Variants in PRKG1 observed in about 807,000 individuals in gnomAD.
PRKG1 encodes cGMP-dependent protein kinase 1.
PRKG1 carries 35 observed loss-of-function variants against 88.1 expected under a neutral mutation model. The ratio of observed to expected loss-of-function variants is 0.40; its 90% CI spans 0.30 to 0.53. The LOEUF (loss-of-function observed/expected upper bound fraction) is 0.53. PRKG1 is among the 20% of genes least tolerant of loss of function. PRKG1 has a pLI of 0.59. For synonymous variants in PRKG1, 303 were observed against 292.5 expected, an observed-to-expected ratio of 1.04 and a Z score of -0.37; for missense variants, 540 against 839.8, an observed-to-expected ratio of 0.64 and a Z score of 4.41.
intron 9 of PRKG1, among the ~76,000 whole-genome samples, chr10:52,163,201 A>C (rs1838326379): frequency 6.7e-6 from 1 of 149,572 alleles, no homozygotes; most frequent in African/African-American, 2.5e-5. Flanking sequence ...TTTATAATTT[A>C]TGTCAGCTTA....
intron 12 of PRKG1, among the ~76,000 whole-genome samples, chr10:52,279,908 TG>T (rs1300209759): frequency 3.3e-5 from 5 of 150,952 alleles, no homozygotes; most frequent in Admixed American, 6.6e-5. Context: ...AGAAGTACCA[TG>T]AAAAAAAAAA....
intron 4 of PRKG1, among the ~76,000 whole-genome samples, chr10:51,808,627 T>G (rs1199049341): frequency 6.6e-6 from 1 of 151,994 alleles, no homozygotes; most frequent in East Asian, 1.9e-4. Context: ...GAAACACCAC[T>G]GCATATATAG....
intron 2 of PRKG1, among the ~76,000 whole-genome samples, chr10:51,323,409 T>A (rs1046205174): frequency 2.0e-5 from 3 of 152,220 alleles, no homozygotes; most frequent in Non-Finnish European, 4.4e-5. Flanking sequence ...CAGAATTAGA[T>A]GACCTATATT....
At chr10:51,422,818 A>T (rs1289648635) in intron 2 of PRKG1, among the ~76,000 whole-genome samples, 1 of 152,004 alleles carries the variant, frequency 6.6e-6, no homozygotes, top group Admixed American at 6.6e-5. Context: ...CAATGTCATG[A>T]TTGCCTTTAT....
At chr10:51,621,570 G>T (rs1839213034) in intron 3 of PRKG1, among the ~76,000 whole-genome samples, 1 of 152,102 alleles carries the variant, frequency 6.6e-6, no homozygotes, top group Admixed American at 6.6e-5. Context: ...CAAGTATCAT[G>T]CCAAGTTTAT....
chr10:51,750,477 A>C (rs940676363), intron 3 of PRKG1, among the ~76,000 whole-genome samples: 1 of 152,182 alleles, frequency 6.6e-6, no homozygotes, highest in Non-Finnish European at 1.5e-5. Context: ...TTCATTTAAA[A>C]CATTTACTAA....
chr10:51,243,195 G>T (rs1390247309), intron 2 of PRKG1, among the ~76,000 whole-genome samples: 1 of 152,156 alleles, frequency 6.6e-6, no homozygotes, highest in Non-Finnish European at 1.5e-5. Flanking sequence ...TGATGTATCA[G>T]TGAGAGAGCC....
intron 3 of PRKG1, among the ~76,000 whole-genome samples, chr10:51,666,683 G>C (rs947821583): frequency 3.9e-5 from 6 of 152,128 alleles, no homozygotes; most frequent in Non-Finnish European, 5.9e-5. Flanking sequence ...TGCAGCTGTT[G>C]CTTAATTATT....
In PRKG1 at chr10:52,210,072, AAATGGCT is replaced by A. The variant is rs550247416; in HGVS notation, c.1077-41493_1077-41487del. Among the ~76,000 whole-genome samples the A allele has an allele frequency of 7.2e-5, 11 of 152,278 alleles. No homozygotes were observed. In the East Asian group the frequency reaches 2.1e-3, roughly 29 times the overall value. ...ATGCTTCTGATTTGATGTGAAGATT[AAATGGCT>A]AATGTTAAACATTTAGATGATGCCT... On this transcript the variant is annotated intron_variant, in intron 9 of 17. Coordinates refer to ENST00000373980, the MANE Select transcript of PRKG1 (RefSeq NM_006258.4).
intron 3 of PRKG1, among the ~76,000 whole-genome samples, chr10:51,769,911 G>A (rs1838259776): frequency 6.6e-6 from 1 of 152,194 alleles, no homozygotes; most frequent in African/African-American, 2.4e-5. Flanking sequence ...GAAAGTTAAT[G>A]AATTTATGTG....
intron 2 of PRKG1, among the ~76,000 whole-genome samples, chr10:51,179,002 T>C (rs189295291): frequency 2.3e-4 from 35 of 152,336 alleles, no homozygotes; most frequent in African/African-American, 8.4e-4. Context: ...TGTTGAAATG[T>C]AGTTTTTATT....
chr10:51,447,316 C>T (rs1039826949), intron 2 of PRKG1, among the ~76,000 whole-genome samples: 2 of 152,000 alleles, frequency 1.3e-5, no homozygotes, highest in African/African-American at 4.8e-5. Flanking sequence ...TGCTGCAACT[C>T]TCCCAGTGAC....
At chr10:52,176,355 G>C (rs1018380987) in intron 9 of PRKG1, among the ~76,000 whole-genome samples, 5 of 151,590 alleles carry the variant, frequency 3.3e-5, no homozygotes, top group African/African-American at 4.8e-5. Flanking sequence ...GAGTTCTCTA[G>C]TCTGGTCTAT....
intron 2 of PRKG1, among the ~76,000 whole-genome samples, chr10:51,256,830 C>T (rs1839572803): frequency 6.6e-6 from 1 of 151,700 alleles, no homozygotes; most frequent in Non-Finnish European, 1.5e-5. Flanking sequence ...TGGGATAAGA[C>T]GTTGGACTAT....
chr10:51,385,565 C>T (rs1298251101), intron 2 of PRKG1, among the ~76,000 whole-genome samples: 2 of 152,084 alleles, frequency 1.3e-5, no homozygotes, highest in Non-Finnish European at 2.9e-5. Flanking sequence ...TGTGAATATG[C>T]TTATCATTCT....
At chr10:51,719,065 C>CTTGAGCCCAA (rs1377607489) in intron 3 of PRKG1, among the ~76,000 whole-genome samples, 2 of 152,094 alleles carry the variant, frequency 1.3e-5, no homozygotes, top group African/African-American at 4.8e-5. Context: ...GGGAGCATCA[C>CTTGAGCCCAA]TTGAGCCCAA....
In PRKG1 at chr10:51,743,690, TTA is replaced by T. The variant is rs1347325696; in HGVS notation, c.593-60886_593-60885del. ...TATATATTTATATATATATAATTTA[TTA>T]TATATATAATATAAACTAAATATAT... On this transcript the variant is annotated intron_variant, in intron 3 of 17. Coordinates refer to ENST00000373980, the MANE Select transcript of PRKG1 (RefSeq NM_006258.4). Among the ~76,000 whole-genome samples, 25 of 124,600 alleles carry T rather than the reference TTA, an allele frequency of 2.0e-4. No homozygotes were observed. The East Asian group carries it at 2.1e-3, about 10-fold the overall frequency. 81.7% of individuals were successfully genotyped at this position (124,600 alleles called of 152,430 possible). A position where few individuals can be genotyped will look rare whatever the true frequency, so the allele number is the denominator to read the frequency against.
At chr10:51,246,320 G>A (rs1392486196) in intron 2 of PRKG1, among the ~76,000 whole-genome samples, 1 of 152,076 alleles carries the variant, frequency 6.6e-6, no homozygotes, top group Non-Finnish European at 1.5e-5. Context: ...AGAAATGGGA[G>A]CAGAGGTTGC....
chr10:51,104,714 A>ATTTG (rs1844782380), intron 1 of PRKG1, among the ~76,000 whole-genome samples: 2 of 135,132 alleles, frequency 1.5e-5, no homozygotes, highest in East Asian at 4.1e-4. Flanking sequence ...TTATTTATTT[A>ATTTG]TTTATTTATT....
Sources: gnomAD v4.1 joint callset for allele counts (sites outside exome capture counted in the v4.1 genomes callset) on GRCh38, gnomAD v4.1.1 for gene constraint, MANE v1.5 for transcripts, NCBI Gene and HGNC (gene_info 2026-07-23, HGNC 2026-07-21) for gene names.